ARAP2: variants seen among roughly 807,000 people sequenced by gnomAD.
ARAP2 encodes the protein ArfGAP with RhoGAP domain, ankyrin repeat and PH domain 2.
Under a neutral mutation model 194.5 loss-of-function variants are expected in ARAP2, and 148 were observed. That is an observed-to-expected ratio of 0.76 (90% CI 0.67 to 0.87). The LOEUF (loss-of-function observed/expected upper bound fraction) is 0.87, where lower values mean the gene tolerates loss of function less well. Ranked by LOEUF, ARAP2 falls within the 40% of genes least tolerant of loss-of-function variation. The probability of loss-of-function intolerance (pLI) is 0.00; values close to 1 mark genes in which losing one functional copy is unlikely to be tolerated. For missense variants in ARAP2, 2,128 were observed against 1,989.7 expected, an observed-to-expected ratio of 1.07 and a Z score of -1.32; for synonymous variants, 695 against 683.5, an observed-to-expected ratio of 1.02 and a Z score of -0.26.
At chr4:36,167,447 G>A (rs1735544467) in intron 9 of ARAP2, among the ~76,000 whole-genome samples, 1 of 152,006 alleles carries the variant, frequency 6.6e-6, no homozygotes, top group Non-Finnish European at 1.5e-5. Context: ...TAAAAAGATG[G>A]GAAAACTGAG....
At chr4:36,038,595 G>C (rs992363561) in intron 5 of ARAP2, among the ~76,000 whole-genome samples, 2 of 152,288 alleles carry the variant, frequency 1.3e-5, no homozygotes, top group Middle Eastern at 3.4e-3. Flanking sequence ...GATGCAGAAG[G>C]CTTAATCTTT....
chr4:36,161,488 TGCTA>T lies in ARAP2; in HGVS notation c.2232_2235del (p.Ser745PhefsTer38). 6.2e-7 allele frequency: 1 copy of T among 1,614,012 alleles called. No homozygotes were observed. Among genetic ancestry groups the T allele is most frequent in the East Asian group, 2.2e-5 (1 of 44,872 alleles). On this transcript the variant is annotated frameshift_variant, in exon 12 of 33. Coordinates refer to ENST00000303965, the MANE Select transcript of ARAP2 (RefSeq NM_015230.4). LOFTEE classifies it high-confidence loss of function. Reference sequence around the variant, plus strand: ...ACCTCGATGAGTTCATTGCTCCAAATGCTAGCATCCATTTTTAGACTTCTAACCT... The same window carrying T: ...ACCTCGATGAGTTCATTGCTCCAAATGCATCCATTTTTAGACTTCTAACCT...
At chr4:36,008,423 C>T (rs947085587) in intron 9 of ARAP2, among the ~76,000 whole-genome samples, 1 of 151,974 alleles carries the variant, frequency 6.6e-6, no homozygotes. Context: ...ACAAACTTGA[C>T]AAAAATAAGC....
At chr4:36,243,356 G>C (rs1578405422) in intron 1 of ARAP2, among the ~76,000 whole-genome samples, 1 of 102,142 alleles carries the variant, frequency 9.8e-6, no homozygotes, top group Non-Finnish European at 1.8e-5. Flanking sequence ...GTATTCTACT[G>C]AACAGCCTAC....
At chr4:36,152,889 T>C (rs1266011076) in intron 15 of ARAP2, among the ~76,000 whole-genome samples, 11 of 152,170 alleles carry the variant, frequency 7.2e-5, no homozygotes, top group Admixed American at 1.3e-4. Flanking sequence ...GGAAACAAGA[T>C]TGCAGGTTCA....
At chr4:36,136,139 T>C (rs1385423273) in intron 19 of ARAP2, among the ~76,000 whole-genome samples, 2 of 151,850 alleles carry the variant, frequency 1.3e-5, no homozygotes, top group Admixed American at 1.3e-4. Context: ...TACCTAAAAT[T>C]TGTGGACACT....
chr4:36,029,041 G>A (rs1237719510), intron 5 of ARAP2, among the ~76,000 whole-genome samples: 2 of 151,938 alleles, frequency 1.3e-5, no homozygotes, highest in Non-Finnish European at 2.9e-5. Context: ...ACTAGTGCTT[G>A]AGAGGAAGCT....
chr4:36,017,321 G>C (rs1265789305), intron 6 of ARAP2, among the ~76,000 whole-genome samples: 3 of 151,512 alleles, frequency 2.0e-5, no homozygotes, highest in African/African-American at 7.3e-5. Context: ...TGGCATTAAG[G>C]AGACAGCACT....
chr4:36,054,856 T>C (rs1723236095), intron 2 of ARAP2, among the ~76,000 whole-genome samples: 1 of 152,182 alleles, frequency 6.6e-6, no homozygotes, highest in African/African-American at 2.4e-5. Flanking sequence ...TCCTAGGGCA[T>C]AATAGAAGAT....
At chr4:36,118,486 T>C (rs1721937570) in intron 24 of ARAP2, among the ~76,000 whole-genome samples, 1 of 151,398 alleles carries the variant, frequency 6.6e-6, no homozygotes, top group African/African-American at 2.4e-5. Context: ...CTCTTTTACT[T>C]ATCTTTTCCA....
intron 8 of ARAP2, among the ~76,000 whole-genome samples, chr4:36,182,263 C>T (rs928309920): frequency 5.3e-5 from 8 of 152,132 alleles, no homozygotes; most frequent in Admixed American, 6.5e-5. Context: ...TAGGCCAAGG[C>T]TGGCAAATCA....
intron 19 of ARAP2, among the ~76,000 whole-genome samples, chr4:36,145,710 C>G (rs1223476075): frequency 3.3e-5 from 5 of 151,878 alleles, no homozygotes; most frequent in Non-Finnish European, 1.5e-5. Context: ...AACTGTCTTC[C>G]TTATTGCTCT....
At chr4:36,238,488 T>A (rs572270575) in intron 1 of ARAP2, among the ~76,000 whole-genome samples, 1 of 152,354 alleles carries the variant, frequency 6.6e-6, no homozygotes, top group East Asian at 1.9e-4. Context: ...ATAGTAGATA[T>A]AAAATTGATT....
At chr4:36,163,044 GTA>G (rs1734458913) in intron 11 of ARAP2, among the ~76,000 whole-genome samples, 1 of 152,162 alleles carries the variant, frequency 6.6e-6, no homozygotes, top group Non-Finnish European at 1.5e-5. Context: ...CATTTGAGGT[GTA>G]TTTGGCAAAT....
intron 6 of ARAP2, among the ~76,000 whole-genome samples, chr4:36,206,073 A>G (rs1745472235): frequency 6.6e-6 from 1 of 152,228 alleles, no homozygotes; most frequent in South Asian, 2.1e-4. Context: ...ACCTGCCTTC[A>G]CCGCAGCCCC....
Position 36,199,894 on chromosome 4 carries a change from T to A in ARAP2, c.1488-6247A>T, listed in dbSNP as rs1330309488. 2.0e-5 allele frequency among the ~76,000 whole-genome samples: 3 copies of A among 152,212 alleles called. No individual in the cohort carries two copies. In the East Asian group the frequency reaches 5.8e-4, roughly 29 times the overall value. ...GTGACAGTTGTTATTAGCTTCTTTG[T>A]GTTAATTATTTCACAATATATAGGG... is the stretch of plus-strand genomic sequence containing the variant. On this transcript the variant is annotated intron_variant, in intron 6 of 32. Transcript: ENST00000303965.
rs1723494741 is a variant in ARAP2, at chr4:36,124,827, T to C, written c.3746+35A>G. 7 of 1,346,310 alleles carry C rather than the reference T, an allele frequency of 5.2e-6. No homozygotes were observed. The Admixed American group carries it at 9.1e-5, about 18-fold the overall frequency. The allele number at this position is 1,346,310 out of a possible 1,614,324, so 83.4% of individuals were successfully genotyped here. On this transcript the variant is annotated intron_variant, in intron 22 of 32. Coordinates refer to ENST00000303965, the MANE Select transcript of ARAP2 (RefSeq NM_015230.4). ...AATAATGACTTATTGAGTGCTGTGT[T>C]TGAAATGTCGAGAAAAGTTCATTCA...
chr4:36,073,458 T>G (rs1406333929), intron 32 of ARAP2, among the ~76,000 whole-genome samples: 1 of 152,096 alleles, frequency 6.6e-6, no homozygotes, highest in Non-Finnish European at 1.5e-5. Flanking sequence ...ACTTTAGAGG[T>G]AAGAAAATAA....
At chr4:36,011,905 G>A (rs1714639697) in intron 9 of ARAP2, among the ~76,000 whole-genome samples, 1 of 151,888 alleles carries the variant, frequency 6.6e-6, no homozygotes, top group South Asian at 2.1e-4. Flanking sequence ...AAGTTAATGG[G>A]GGTGAAAATA....
Sources: gnomAD v4.1 joint callset for allele counts (sites outside exome capture counted in the v4.1 genomes callset) on GRCh38, gnomAD v4.1.1 for gene constraint, MANE v1.5 for transcripts, NCBI Gene and HGNC (gene_info 2026-07-23, HGNC 2026-07-21) for gene names.